SETDB2: variants seen among roughly 807,000 people sequenced by gnomAD.
SETDB2 encodes SET domain bifurcated histone lysine methyltransferase 2.
SETDB2 carries 56 observed loss-of-function variants against 82.5 expected under a neutral mutation model. That is an observed-to-expected ratio of 0.68 (90% CI 0.55 to 0.85). SETDB2 has a LOEUF of 0.85. Among genes scored for constraint, SETDB2 ranks in the 40% least tolerant of loss-of-function variants. The probability of loss-of-function intolerance (pLI) is 0.00; values close to 1 mark genes in which losing one functional copy is unlikely to be tolerated. For synonymous variants in SETDB2, 272 were observed against 284.9 expected, an observed-to-expected ratio of 0.95 and a Z score of 0.46; for missense variants, 677 against 816.4, an observed-to-expected ratio of 0.83 and a Z score of 2.08.
intron 1 of SETDB2, among the ~76,000 whole-genome samples, chr13:49,447,729 T>C (rs1428848560): frequency 6.6e-6 from 1 of 152,140 alleles, no homozygotes; most frequent in African/African-American, 2.4e-5. Flanking sequence ...ATAAACTATT[T>C]TGGTAATACA....
At chr13:49,481,753 C>G (rs1958481898) in intron 8 of SETDB2, among the ~76,000 whole-genome samples, 1 of 152,204 alleles carries the variant, frequency 6.6e-6, no homozygotes, top group Non-Finnish European at 1.5e-5. Flanking sequence ...CAGGCAAAAT[C>G]CCTTATTTTC....
In SETDB2 at chr13:49,493,051, T is replaced by C. The variant is rs1048327318; in HGVS notation, c.*1202T>C. The C allele has an allele frequency of 1.9e-4, 28 of 145,908 alleles. No homozygotes were observed. Among genetic ancestry groups the C allele is most frequent in the African/African-American group, 7.2e-4 (28 of 39,022 alleles). 9.0% of individuals were successfully genotyped at this position (145,908 alleles called of 1,614,324 possible). On this transcript the variant is annotated 3_prime_UTR_variant, in exon 14 of 14. Coordinates refer to ENST00000611815, the MANE Select transcript of SETDB2 (RefSeq NM_001160308.3). Reference sequence around the variant, plus strand: ...GTATCTCCTGGGCATGATTTGCAAATCTTTTTTTTTTACAGAAAAAAGGCA... The same window carrying C: ...GTATCTCCTGGGCATGATTTGCAAACCTTTTTTTTTTACAGAAAAAAGGCA...
At chr13:49,466,865 A>AG (rs1479693770) in intron 4 of SETDB2, among the ~76,000 whole-genome samples, 1 of 130,672 alleles carries the variant, frequency 7.7e-6, no homozygotes, top group Non-Finnish European at 1.6e-5. Flanking sequence ...TCTGTTGCTC[A>AG]GGGGGGCCTT....
At chr13:49,483,591 C>T in intron 10 of SETDB2, 28 bp downstream of exon 10, 2 of 806,058 alleles carry the variant, frequency 2.5e-6, no homozygotes, top group South Asian at 1.9e-5. Flanking sequence ...TAGTTGGGAC[C>T]CTTCTTTTCT....
Position 49,488,167 on chromosome 13 carries a change from A to G in SETDB2, c.1577-123A>G, listed in dbSNP as rs550746294. 23 of 1,330,732 alleles carry G rather than the reference A, an allele frequency of 1.7e-5. No individual in the cohort carries two copies. In the African/African-American group the frequency reaches 3.4e-4, roughly 20 times the overall value. The allele number at this position is 1,330,732 out of a possible 1,614,324, so 82.4% of individuals were successfully genotyped here. ...TCCTTTATACAATTAAAATAATACT[A>G]CCTGCCTAACACATTGTAAGGATCG... On this transcript the variant is annotated intron_variant, in intron 11 of 13. Coordinates refer to ENST00000611815, the MANE Select transcript of SETDB2 (RefSeq NM_001160308.3).
chr13:49,471,192 G>A (rs546684936), intron 5 of SETDB2, among the ~76,000 whole-genome samples: 15 of 151,614 alleles, frequency 9.9e-5, no homozygotes, highest in African/African-American at 2.2e-4. Context: ...GCCCAGGCAG[G>A]TCGTGAACTC....
chr13:49,470,610 G>C (rs1035916430), intron 5 of SETDB2, among the ~76,000 whole-genome samples: 2 of 152,182 alleles, frequency 1.3e-5, no homozygotes, highest in African/African-American at 4.8e-5. Flanking sequence ...CACTTCGGGA[G>C]GTTGAGGCAG....
At position 49,467,870 on chromosome 13, in the gene SETDB2, T is replaced by A; in HGVS notation, c.215T>A (p.Met72Lys). 1 of 1,588,590 alleles carries A rather than the reference T, an allele frequency of 6.3e-7. No individual in the cohort carries two copies. The highest frequency in any genetic ancestry group is 8.6e-7 in the Non-Finnish European group (1 of 1,168,942). ...INSSTSIKDP[M>K]PVTQKEQENK... ...ACATTATTTTTTTGTGTAGATCCTA[T>A]GCCTGTGACTCAGAAGGAACAGGAA... Residue 72 changes from methionine to lysine, a missense_variant, in exon 5 of 14, where the codon ATG (methionine) becomes AAG (lysine). By Grantham distance (95) the Met-to-Lys change is moderately conservative. Coordinates refer to ENST00000611815, the MANE Select transcript of SETDB2 (RefSeq NM_001160308.3).
chr13:49,457,740 A>G (rs1405885166), intron 2 of SETDB2, among the ~76,000 whole-genome samples: 2 of 152,118 alleles, frequency 1.3e-5, no homozygotes, highest in African/African-American at 4.8e-5. Flanking sequence ...ACAATTTTAA[A>G]TGATAAAAAA....
In SETDB2 at chr13:49,488,615, C is replaced by T. The variant is rs146670295; in HGVS notation, c.1902C>T (p.Val634=). The change falls in exon 12 of 14, where the codon GTC becomes GTT. Residue 634 remains valine, a synonymous_variant. Coordinates refer to ENST00000611815, the MANE Select transcript of SETDB2 (RefSeq NM_001160308.3). ...FLLDATKEGN[V]GRFLNHSCCP... Reference sequence around the variant, plus strand: ...TGGATGCCACAAAAGAAGGAAATGTCGGCCGCTTCCTTAATGTGAGTATAA... The same window carrying T: ...TGGATGCCACAAAAGAAGGAAATGTTGGCCGCTTCCTTAATGTGAGTATAA... The T allele has an allele frequency of 3.1e-5, 50 of 1,593,832 alleles. No homozygotes were observed. The highest frequency in any genetic ancestry group is 3.7e-5 in the Non-Finnish European group (43 of 1,171,166).
At position 49,464,532 on chromosome 13, in the gene SETDB2, G is replaced by A. The variant is rs147516995; in HGVS notation, c.209-3332G>A. On this transcript the variant is annotated intron_variant, in intron 4 of 13. Transcript: ENST00000611815. ...TTCTTTCTGAAGAACCTTTTTTTCC[G>A]TAAAAAGTAAGTTGGTTTTTGTTTG... Among the ~76,000 whole-genome samples the A allele has an allele frequency of 2.6e-3, 393 of 151,864 alleles. 1 individual carries two copies. Among genetic ancestry groups the A allele is most frequent in the African/African-American group, 8.3e-3 (344 of 41,412 alleles).
At position 49,476,516 on chromosome 13, in the gene SETDB2, G is replaced by A. The variant is rs145588070; in HGVS notation, c.346G>A (p.Val116Ile). Residue 116 changes from valine to isoleucine, a missense_variant, in exon 6 of 14, where the codon GTT (valine) becomes ATT (isoleucine). Around this residue, in one of 3 missense-constraint regions of SETDB2, gnomAD observed 243 missense variants for 237.2 expected, o/e 1.02. Coordinates refer to ENST00000611815, the MANE Select transcript of SETDB2 (RefSeq NM_001160308.3). ...NKEILSLEDKVVDFREKDSSS... is the reference protein window; with the variant it reads ...NKEILSLEDKIVDFREKDSSS... ...GGAAATTCTCTCTCTTGAAGATAAA[G>A]TTGTAGACTTTAGAGAAAAAGACTC... 1.9e-6 allele frequency: 3 copies of A among 1,609,942 alleles called. No homozygotes were observed. The highest frequency in any genetic ancestry group is 1.3e-5 in the African/African-American group (1 of 74,652).
At chr13:49,491,613 G>A (rs748130455) in intron 13 of SETDB2, 119 bp from the exon 14 acceptor site, 7 of 693,078 alleles carry the variant, frequency 1.0e-5, no homozygotes, top group South Asian at 1.8e-5. Context: ...TGGATGTTGG[G>A]TGAGAGAACA....
intron 1 of SETDB2, among the ~76,000 whole-genome samples, chr13:49,448,335 GTTA>G (rs1239062374): frequency 1.3e-5 from 2 of 152,008 alleles, no homozygotes; most frequent in East Asian, 1.9e-4. Context: ...ATCTTCATTT[GTTA>G]TTATTTATTT....
At position 49,491,832 on chromosome 13, in the gene SETDB2, A is replaced by G; in HGVS notation, c.2107A>G (p.Arg703Gly). The G allele has an allele frequency of 6.2e-7, 1 of 1,608,386 alleles. No individual in the cohort carries two copies. The highest frequency in any genetic ancestry group is 1.3e-5 in the African/African-American group (1 of 74,932). ...CTGCCAATGTGGGGTTAATAAATGTAGAAAAAAAATATTATAAATATGTAA... is the reference window on the plus strand; with the variant it reads ...CTGCCAATGTGGGGTTAATAAATGTGGAAAAAAAATATTATAAATATGTAA... ...IFCQCGVNKC[R>G]KKIL Residue 703 changes from arginine (R) to glycine (G), a missense_variant, in exon 14 of 14, where the codon AGA becomes GGA. Transcript: ENST00000611815.
Position 49,463,231 on chromosome 13 carries a change from G to A in SETDB2, c.208+2069G>A, listed in dbSNP as rs570741966. On this transcript the variant is annotated intron_variant, in intron 4 of 13. Coordinates refer to ENST00000611815, the MANE Select transcript of SETDB2 (RefSeq NM_001160308.3). Reference sequence around the variant, plus strand: ...TCACCATGTTGCCCAGACTGGTCACGAACTCCTGAGCTCAGGCAAACTGCC... The same window carrying A: ...TCACCATGTTGCCCAGACTGGTCACAAACTCCTGAGCTCAGGCAAACTGCC... 1.8e-3 allele frequency among the ~76,000 whole-genome samples: 275 copies of A among 151,900 alleles called. 2 individuals are homozygous for A. Among genetic ancestry groups the A allele is most frequent in the Middle Eastern group, 6.8e-3 (2 of 294 alleles).
chr13:49,488,278 A>C lies in SETDB2; in HGVS notation c.1577-12A>C. ...TATATTTCCTGATGTTTCCTTCCAA[A>C]ATGTCTATTAGAGGACTCAAGTTCA... is the stretch of plus-strand genomic sequence containing the variant. On this transcript the variant is annotated splice_polypyrimidine_tract_variant and intron_variant, in intron 11 of 13. Transcript: ENST00000611815. 6.4e-7 allele frequency: 1 copy of C among 1,555,570 alleles called. No individual in the cohort carries two copies. The highest frequency in any genetic ancestry group is 1.2e-5 in the South Asian group (1 of 81,472).
intron 11 of SETDB2, 74 bp downstream of exon 11, chr13:49,485,797 CA>C: frequency 8.5e-7 from 1 of 1,175,782 alleles, no homozygotes; most frequent in South Asian, 1.2e-5. Flanking sequence ...ACCTGTAGCT[CA>C]TTTTCTTAGA....
intron 4 of SETDB2, among the ~76,000 whole-genome samples, chr13:49,464,981 G>A (rs4941641): frequency 0.11 from 17,254 of 151,584 alleles, 1,110 homozygotes; most frequent in Admixed American, 0.17. Context: ...TGGGAGGATC[G>A]CTCGAGCCCA....
Sources: allele counts gnomAD v4.1 joint callset (sites outside exome capture counted in the v4.1 genomes callset), GRCh38; gene constraint gnomAD v4.1.1; regional missense constraint gnomAD v4.1.1; transcripts MANE v1.5; gene names NCBI Gene and HGNC (gene_info 2026-07-23, HGNC 2026-07-21).